Variants in CHLSN observed in about 807,000 individuals in gnomAD.
CHLSN encodes the protein cholesin.
chr7:1,114,127 T>G, the CHLSN span, among the ~76,000 whole-genome samples: 1 of 152,228 alleles, frequency 6.6e-6, no homozygotes, highest in Non-Finnish European at 1.5e-5. Flanking sequence ...CCTGATCATT[T>G]CCCACAATAA....
chr7:1,118,599 A>G, the CHLSN span, among the ~76,000 whole-genome samples: 1 of 152,176 alleles, frequency 6.6e-6, no homozygotes, highest in African/African-American at 2.4e-5. Context: ...TTCGTGGAGT[A>G]GAAAAGCTGA....
chr7:984,980 G>T, the CHLSN span: 1 of 1,608,222 alleles, frequency 6.2e-7, no homozygotes. Context: ...GCGCGCTGGA[G>T]GGCTGCCCGC....
the CHLSN span, chr7:984,421 C>A: frequency 6.5e-7 from 1 of 1,547,900 alleles, no homozygotes; most frequent in Non-Finnish European, 8.7e-7. Flanking sequence ...GCTCTCAGAA[C>A]GCTACGGGCC....
the CHLSN span, chr7:1,028,278 C>T: frequency 9.3e-7 from 1 of 1,077,484 alleles, no homozygotes; most frequent in Non-Finnish European, 1.1e-6. Flanking sequence ...GCTGTCAGGT[C>T]CCGCGGGCAC....
the CHLSN span, among the ~76,000 whole-genome samples, chr7:1,070,387 C>G: frequency 3.1e-3 from 384 of 125,538 alleles, 27 homozygotes; most frequent in Non-Finnish European, 5.1e-3. Flanking sequence ...GCCAGCCGCC[C>G]CGTCCGGGAG....
chr7:1,073,520 C>G, the CHLSN span, among the ~76,000 whole-genome samples: 1 of 151,932 alleles, frequency 6.6e-6, no homozygotes, highest in Non-Finnish European at 1.5e-5. Flanking sequence ...TCTCACAACT[C>G]CTTGAGACAC....
chr7:1,023,900 G>A, the CHLSN span, among the ~76,000 whole-genome samples: 20 of 152,138 alleles, frequency 1.3e-4, no homozygotes, highest in Non-Finnish European at 2.9e-4. The surrounding 1 kb of genome is among the most constrained non-coding windows in gnomAD (Gnocchi z 5.0). Context: ...GACTGCAGCG[G>A]CACCATCACA....
At chr7:1,051,235 C>G in the CHLSN span, among the ~76,000 whole-genome samples, 1 of 152,220 alleles carries the variant, frequency 6.6e-6, no homozygotes, top group Non-Finnish European at 1.5e-5. Context: ...ACACTGTGTC[C>G]CAACCCCGGT....
At chr7:989,084 C>T in the CHLSN span, 23 of 451,586 alleles carry the variant, frequency 5.1e-5, no homozygotes, top group Non-Finnish European at 8.2e-5. Context: ...CAGGGCCCCG[C>T]CCACTCTCCC....
At chr7:1,119,205 G>A in the CHLSN span, among the ~76,000 whole-genome samples, 1 of 152,108 alleles carries the variant, frequency 6.6e-6, no homozygotes, top group Admixed American at 6.5e-5. Flanking sequence ...AGCAGAGCTG[G>A]GGCAAGTAGA....
chr7:1,065,496 C>T, the CHLSN span, among the ~76,000 whole-genome samples: 8 of 152,258 alleles, frequency 5.3e-5, no homozygotes, highest in Admixed American at 1.3e-4. Flanking sequence ...ATGGACCCAC[C>T]GGGGACAGGC....
chr7:1,050,339 G>A, the CHLSN span, among the ~76,000 whole-genome samples: 1 of 152,246 alleles, frequency 6.6e-6, no homozygotes, highest in African/African-American at 2.4e-5. Context: ...CTCAGGCTCA[G>A]AGCAGAGCAG....
the CHLSN span, among the ~76,000 whole-genome samples, chr7:1,041,723 G>C: frequency 6.6e-6 from 1 of 151,974 alleles, no homozygotes; most frequent in African/African-American, 2.4e-5. Flanking sequence ...CACACTATCA[G>C]ACTCACTCTG....
chr7:991,546 C>G, the CHLSN span, among the ~76,000 whole-genome samples: 4 of 152,224 alleles, frequency 2.6e-5, no homozygotes, highest in Admixed American at 2.6e-4. Context: ...ACCGGGCAGA[C>G]CTGGGTGCCC....
At chr7:1,079,513 A>G in the CHLSN span, among the ~76,000 whole-genome samples, 1 of 152,004 alleles carries the variant, frequency 6.6e-6, no homozygotes, top group Admixed American at 6.5e-5. Context: ...ACCACAGCCT[A>G]TAACTACTTA....
the CHLSN span, among the ~76,000 whole-genome samples, chr7:999,690 A>G: frequency 6.6e-6 from 1 of 152,202 alleles, no homozygotes; most frequent in East Asian, 1.9e-4. Context: ...AGAGTCTGCA[A>G]ACACAGGCAC....
the CHLSN span, among the ~76,000 whole-genome samples, chr7:1,053,952 T>G: frequency 2.0e-5 from 3 of 152,222 alleles, no homozygotes; most frequent in Non-Finnish European, 4.4e-5. Flanking sequence ...GGGACCCTGT[T>G]CCTACCACGA....
chr7:982,605 G>A, the CHLSN span, among the ~76,000 whole-genome samples: 2 of 152,266 alleles, frequency 1.3e-5, no homozygotes, highest in Admixed American at 1.3e-4. Flanking sequence ...TACCTGGGGC[G>A]AGAACACCCT....
chr7:1,123,233 G>A, the CHLSN span, among the ~76,000 whole-genome samples: 1 of 152,220 alleles, frequency 6.6e-6, no homozygotes, highest in Non-Finnish European at 1.5e-5. The surrounding 1 kb of genome is among the most constrained non-coding windows in gnomAD (Gnocchi z 4.4). Context: ...CCGGAACGCT[G>A]AAGGAACACT....
Sources: gnomAD v4.1 joint callset for allele counts (sites outside exome capture counted in the v4.1 genomes callset) on GRCh38, gnomAD v4.1.1 for gene constraint, Gnocchi (gnomAD v3.1) non-coding constraint, MANE v1.5 for transcripts, NCBI Gene and HGNC (gene_info 2026-07-23, HGNC 2026-07-21) for gene names.